The following RHOBTB1 variants were observed in gnomAD, a reference collection of about 807,000 sequenced individuals.
The protein encoded by RHOBTB1 is rho-related BTB domain-containing protein 1.
Under a neutral mutation model 71.6 loss-of-function variants are expected in RHOBTB1, and 40 were observed. That is an observed-to-expected ratio of 0.56 (90% CI 0.43 to 0.73). The LOEUF (loss-of-function observed/expected upper bound fraction) is 0.73. Ranked by LOEUF, RHOBTB1 falls within the 30% of genes least tolerant of loss-of-function variation. The pLI, the probability that RHOBTB1 is intolerant of heterozygous loss-of-function variation, is 0.00. For missense variants in RHOBTB1, 797 were observed against 894.0 expected (o/e 0.89, Z 1.38); for synonymous variants, 319 against 334.9 (o/e 0.95, Z 0.52).
chr10:60,939,374 T>C (rs1008526143), intron 2 of RHOBTB1, among the ~76,000 whole-genome samples: 9 of 152,118 alleles, frequency 5.9e-5, no homozygotes, highest in Non-Finnish European at 8.8e-5. Flanking sequence ...GTGGGTTCTA[T>C]TTGTTTACAA....
chr10:60,949,245 T>C (rs769294088), intron 2 of RHOBTB1, among the ~76,000 whole-genome samples: 1 of 152,232 alleles, frequency 6.6e-6, no homozygotes, highest in Non-Finnish European at 1.5e-5. Context: ...AACAAGATGA[T>C]GTCCAGCCTT....
chr10:60,911,079 C>A, intron 3 of RHOBTB1, 89 bp from the exon 4 acceptor site: 1 of 994,546 alleles, frequency 1.0e-6, no homozygotes, highest in Non-Finnish European at 1.6e-6. Flanking sequence ...TCAGTGCCAT[C>A]AATTCACTTG....
At chr10:60,966,973 G>A (rs1433177331) in intron 2 of RHOBTB1, among the ~76,000 whole-genome samples, 1 of 151,942 alleles carries the variant, frequency 6.6e-6, no homozygotes, top group African/African-American at 2.4e-5. Flanking sequence ...AGTTCTTGGG[G>A]AGAAATATTA....
At chr10:60,931,082 G>T (rs1459689923) in intron 2 of RHOBTB1, among the ~76,000 whole-genome samples, 1 of 152,068 alleles carries the variant, frequency 6.6e-6, no homozygotes, top group Non-Finnish European at 1.5e-5. Context: ...AGTAATTGTT[G>T]CTGGACAATG....
In RHOBTB1 at chr10:60,892,843, T is replaced by C. The variant is rs2081985601; in HGVS notation, c.449A>G (p.Glu150Gly). 6.2e-7 allele frequency: 1 copy of C among 1,613,466 alleles called. No individual in the cohort carries two copies. The highest frequency in any genetic ancestry group is 1.3e-5 in the African/African-American group (1 of 74,872). The change falls in exon 5 of 11, where the codon GAA becomes GGA. Residue 150 changes from glutamate to glycine, a missense_variant. Glu to Gly is a moderately conservative substitution (Grantham distance 98). This residue lies in a region of RHOBTB1 where 139 missense variants were observed against 212.5 expected (regional missense o/e 0.65). Transcript: ENST00000337910. Reference protein sequence around the residue: ...CQLDLRYADLEAVNRARRPLA... With the variant: ...CQLDLRYADLGAVNRARRPLA... ...CGGGCGCCTGGCTCGATTAACAGCT[T>C]CCAGGTCGGCATAGCGGAGATCAAG... is the stretch of plus-strand genomic sequence containing the variant.
At chr10:60,916,679 T>G (rs567808769) in intron 2 of RHOBTB1, among the ~76,000 whole-genome samples, 3 of 152,212 alleles carry the variant, frequency 2.0e-5, no homozygotes, top group Non-Finnish European at 4.4e-5. Flanking sequence ...TTTCTTGCAT[T>G]GCATATGTGG....
At position 60,922,931 on chromosome 10, in the gene RHOBTB1, A is replaced by G. The variant is rs1231657908; in HGVS notation, c.-10-11379T>C. Among the ~76,000 whole-genome samples, 4 of 152,198 alleles carry G rather than the reference A, an allele frequency of 2.6e-5. No homozygotes were observed. In the South Asian group the frequency reaches 8.3e-4, roughly 32 times the overall value. Reference sequence around the variant, plus strand: ...CTGCCTCTTAAGACTGAACATTAGTATAACTTCCATGGTCACATTCCTCAC... The same window carrying G: ...CTGCCTCTTAAGACTGAACATTAGTGTAACTTCCATGGTCACATTCCTCAC... On this transcript the variant is annotated intron_variant, in intron 2 of 10. Transcript: ENST00000337910.
chr10:60,891,334 CTTTTTTTTTT>C (rs756153141), intron 5 of RHOBTB1, among the ~76,000 whole-genome samples: 4 of 71,320 alleles, frequency 5.6e-5, no homozygotes, highest in Non-Finnish European at 9.9e-5. Context: ...TTGCTGTTTG[CTTTTTTTTTT>C]TTTTTTTTTT....
downstream of RHOBTB1, among the ~76,000 whole-genome samples, chr10:60,864,956 G>T (rs1427000337): frequency 6.6e-6 from 1 of 152,198 alleles, no homozygotes; most frequent in African/African-American, 2.4e-5. Flanking sequence ...TTCCCAAAGT[G>T]CTGGGATTAC....
chr10:60,988,124 C>T (rs1254291292), intron 1 of RHOBTB1, among the ~76,000 whole-genome samples: 1 of 150,910 alleles, frequency 6.6e-6, no homozygotes, highest in Non-Finnish European at 1.5e-5. Context: ...TTATTAGAGA[C>T]GGGATTTCAC....
intron 2 of RHOBTB1, among the ~76,000 whole-genome samples, chr10:60,923,727 G>T (rs563320208): frequency 4.7e-4 from 72 of 152,258 alleles, no homozygotes; most frequent in African/African-American, 1.6e-3. Flanking sequence ...CATGGGGGTG[G>T]TTTACTCCAT....
At chr10:60,875,435 G>T (rs1350171058) in intron 8 of RHOBTB1, among the ~76,000 whole-genome samples, 2 of 152,132 alleles carry the variant, frequency 1.3e-5, no homozygotes, top group African/African-American at 4.8e-5. Context: ...ACATGTGGCC[G>T]CTGTTTGGAC....
At chr10:60,984,034 T>C (rs2086585780) in intron 2 of RHOBTB1, among the ~76,000 whole-genome samples, 1 of 152,232 alleles carries the variant, frequency 6.6e-6, no homozygotes, top group African/African-American at 2.4e-5. Flanking sequence ...CTATACCACT[T>C]AAAATCTCTC....
intron 1 of RHOBTB1, among the ~76,000 whole-genome samples, chr10:60,989,675 C>T (rs1451147428): frequency 6.6e-6 from 1 of 152,194 alleles, no homozygotes; most frequent in Non-Finnish European, 1.5e-5. Context: ...TGCCCCTACT[C>T]TGGGTAGGTT....
chr10:60,887,773 A>G (rs1048246228), intron 6 of RHOBTB1, among the ~76,000 whole-genome samples: 1 of 152,196 alleles, frequency 6.6e-6, no homozygotes, highest in Non-Finnish European at 1.5e-5. Flanking sequence ...TGAAGGGTCA[A>G]TGGAGAATAG....
intron 4 of RHOBTB1, among the ~76,000 whole-genome samples, chr10:60,899,757 C>T (rs1024350749): frequency 2.6e-5 from 4 of 152,178 alleles, no homozygotes; most frequent in African/African-American, 9.7e-5. Context: ...GTCCTTGTCA[C>T]ACTTGATCTC....
chr10:60,932,152 T>G (rs563880054), intron 2 of RHOBTB1, among the ~76,000 whole-genome samples: 54 of 152,326 alleles, frequency 3.5e-4, no homozygotes, highest in African/African-American at 1.3e-3. Flanking sequence ...TAAATATTGA[T>G]GTACACTCAG....
intron 2 of RHOBTB1, among the ~76,000 whole-genome samples, chr10:60,950,535 A>G (rs1439625820): frequency 6.6e-6 from 1 of 152,204 alleles, no homozygotes; most frequent in Non-Finnish European, 1.5e-5. Context: ...AGAAAGCGGT[A>G]TTGTATTTTG....
In RHOBTB1 at chr10:60,932,841, A is replaced by C. The variant is rs558063946; in HGVS notation, c.-11+8963T>G. On this transcript the variant is annotated intron_variant, in intron 2 of 10. Transcript: ENST00000337910. ...GGCTGTAGACTATGGGTGTTTAAAA[A>C]CCCATATTCATGAAGAAAAGTCTCC... 5.6e-4 allele frequency among the ~76,000 whole-genome samples: 86 copies of C among 152,290 alleles called. 2 individuals are homozygous for C. In the South Asian group the frequency reaches 7.7e-3, roughly 14 times the overall value.
Sources: gnomAD v4.1 joint callset for allele counts (sites outside exome capture counted in the v4.1 genomes callset) on GRCh38, gnomAD v4.1.1 for gene constraint, gnomAD v4.1.1 regional missense constraint, MANE v1.5 for transcripts, NCBI Gene and HGNC (gene_info 2026-07-23, HGNC 2026-07-21) for gene names.